PDE9A: variants seen among roughly 807,000 people sequenced by gnomAD.
The protein encoded by PDE9A is phosphodiesterase 9A.
Under a neutral mutation model 87.4 loss-of-function variants are expected in PDE9A, and 60 were observed. The observed-to-expected ratio is 0.69, with a 90% CI of 0.56 to 0.85. The LOEUF is 0.85. PDE9A is among the 40% of genes least tolerant of loss of function. The pLI is 0.00. For missense variants in PDE9A, 665 were observed against 779.0 expected, an observed-to-expected ratio of 0.85 and a Z score of 1.74; for synonymous variants, 272 against 279.4, an observed-to-expected ratio of 0.97 and a Z score of 0.27.
intron 8 of PDE9A, among the ~76,000 whole-genome samples, chr21:42,747,079 C>T (rs748609580): frequency 1.1e-4 from 17 of 152,322 alleles, no homozygotes; most frequent in Middle Eastern, 3.4e-3. Flanking sequence ...CATCCCCAGC[C>T]GCGTCATGTG....
intron 7 of PDE9A, chr21:42,741,713 C>T: frequency 7.8e-6 from 1 of 128,010 alleles, no homozygotes; most frequent in South Asian, 2.3e-4. Flanking sequence ...CCTCGAAACC[C>T]ACCCGGGAGG....
chr21:42,714,433 C>T (rs956454301), intron 4 of PDE9A, among the ~76,000 whole-genome samples: 2 of 152,172 alleles, frequency 1.3e-5, no homozygotes, highest in African/African-American at 2.4e-5. Flanking sequence ...TTGGGGTTAG[C>T]TCTCCCAGTC....
At chr21:42,774,744 T>A (rs2057351080) in intron 19 of PDE9A, among the ~76,000 whole-genome samples, 1 of 151,464 alleles carries the variant, frequency 6.6e-6, no homozygotes, top group African/African-American at 2.4e-5. Context: ...TAGCCAGCTG[T>A]AGTGGCGTGC....
chr21:42,753,739 C>T (rs532700985), intron 9 of PDE9A, among the ~76,000 whole-genome samples: 1 of 152,106 alleles, frequency 6.6e-6, no homozygotes, highest in African/African-American at 2.4e-5. Context: ...TGGCGGGCGC[C>T]TGCAGTCCCA....
At chr21:42,770,571 G>A (rs777636929) in intron 17 of PDE9A, 132 bp from the exon 18 acceptor site, 9 of 656,892 alleles carry the variant, frequency 1.4e-5, no homozygotes, top group African/African-American at 3.6e-5. Flanking sequence ...CAGCAGAGCC[G>A]GCACGAGGGT....
At chr21:42,749,940 C>G (rs777733872) in intron 8 of PDE9A, among the ~76,000 whole-genome samples, 2 of 152,038 alleles carry the variant, frequency 1.3e-5, no homozygotes, top group Non-Finnish European at 2.9e-5. Flanking sequence ...GAGTTCACGA[C>G]CAGCCTGGCC....
At chr21:42,755,777 C>G (rs1475934646) in intron 10 of PDE9A, among the ~76,000 whole-genome samples, 1 of 152,160 alleles carries the variant, frequency 6.6e-6, no homozygotes, top group Non-Finnish European at 1.5e-5. Context: ...TGTGGGCAAC[C>G]GCCGCACCTC....
At chr21:42,686,539 G>A (rs2059485259) in intron 2 of PDE9A, among the ~76,000 whole-genome samples, 1 of 152,182 alleles carries the variant, frequency 6.6e-6, no homozygotes, top group South Asian at 2.1e-4. Flanking sequence ...TTTCTGCCGG[G>A]CGTGGTGTCT....
chr21:42,757,084 G>C (rs1311563436), intron 10 of PDE9A: 1 of 152,274 alleles, frequency 6.6e-6, no homozygotes, highest in South Asian at 2.1e-4. Context: ...TCTGGGCAGC[G>C]AGGCCCCTGG....
Position 42,770,784 on chromosome 21 carries a change from G to C in PDE9A, c.1672G>C (p.Asp558His). 6.2e-7 allele frequency: 1 copy of C among 1,613,742 alleles called. No individual in the cohort carries two copies. Among genetic ancestry groups the C allele is most frequent in the Non-Finnish European group, 8.5e-7 (1 of 1,179,630 alleles). ...DRYEELKRID[D>H]AMKELQKKTD... is the part of the protein sequence containing the mutation. ...CTACGAGGAGCTGAAGCGGATAGAT[G>C]ACGCCATGAAAGAGGTAAAACACAC... is the stretch of plus-strand genomic sequence containing the variant. The change falls in exon 18 of 20, where the codon GAC becomes CAC. Residue 558 changes from aspartate (D) to histidine (H), a missense_variant. Physicochemically the swap from Asp to His is moderately conservative, Grantham distance 81 (BLOSUM62 -1). Transcript: ENST00000291539.
chr21:42,743,844 G>A lies in PDE9A; in HGVS notation c.637G>A (p.Ala213Thr). Residue 213 changes from alanine to threonine, a missense_variant, in exon 8 of 20, where the codon GCG becomes ACG. Physicochemically the swap from Ala to Thr is moderately conservative, Grantham distance 58. Coordinates refer to ENST00000291539, the MANE Select transcript of PDE9A (RefSeq NM_002606.3). ...CATTAAGAAGATGAGGGAGGAGCTG[G>A]CGGCCAGAAGCAGCAGGTAGGGTCT... is the stretch of plus-strand genomic sequence containing the variant. ...SDIKKMREEL[A>T]ARSSRTNCPC... The A allele has an allele frequency of 6.3e-7, 1 of 1,579,288 alleles. No individual in the cohort carries two copies.
rs532860149 is a variant in PDE9A at position 42,656,552 on chromosome 21, T to C, written c.69+2669T>C. Among the ~76,000 whole-genome samples the C allele has an allele frequency of 2.4e-4, 36 of 152,204 alleles. 1 individual carries two copies. In the South Asian group the frequency reaches 6.2e-3, roughly 26 times the overall value. Reference sequence around the variant, plus strand: ...ACCTGTGCAGGTAACCCTGCAGACATGCCCAGTGATTCAGAGGAGCCGCTG... The same window carrying C: ...ACCTGTGCAGGTAACCCTGCAGACACGCCCAGTGATTCAGAGGAGCCGCTG... On this transcript the variant is annotated intron_variant, in intron 1 of 19. Coordinates refer to ENST00000291539, the MANE Select transcript of PDE9A (RefSeq NM_002606.3).
At chr21:42,676,027 G>C in intron 1 of PDE9A, among the ~76,000 whole-genome samples, 1 of 152,100 alleles carries the variant, frequency 6.6e-6, no homozygotes, top group East Asian at 1.9e-4. Context: ...TGTGAAGGTA[G>C]AAGGCATCTC....
chr21:42,751,285 T>A (rs2146984819), intron 9 of PDE9A, 88 bp downstream of exon 9: 3 of 951,964 alleles, frequency 3.2e-6, no homozygotes, highest in Non-Finnish European at 5.2e-6. Flanking sequence ...GACCCTGCTG[T>A]GTGTACGTTC....
intron 19 of PDE9A, 138 bp from the exon 20 acceptor site, chr21:42,775,142 A>T (rs2057394587): frequency 4.3e-6 from 3 of 696,102 alleles, no homozygotes; most frequent in Non-Finnish European, 7.4e-6. Context: ...GGGTTTCACC[A>T]TGTTGGTCAG....
chr21:42,738,474 G>T (rs1013811865), intron 7 of PDE9A, among the ~76,000 whole-genome samples: 3 of 152,142 alleles, frequency 2.0e-5, no homozygotes, highest in African/African-American at 7.2e-5. Context: ...ACAGCACAGA[G>T]CCTCCTGAGC....
chr21:42,732,868 C>T (rs936535856), intron 6 of PDE9A, among the ~76,000 whole-genome samples: 4 of 152,218 alleles, frequency 2.6e-5, no homozygotes, highest in Non-Finnish European at 4.4e-5. Flanking sequence ...GAGCCGAGAT[C>T]ACGCCACTGC....
chr21:42,697,646 C>CCT (rs1388028233), intron 3 of PDE9A, among the ~76,000 whole-genome samples: 1 of 152,170 alleles, frequency 6.6e-6, no homozygotes, highest in East Asian at 1.9e-4. Context: ...CCTGGGGAGG[C>CCT]CTCTCTTCCT....
intron 7 of PDE9A, 38 bp downstream of exon 7, chr21:42,733,464 C>A (rs765843112): frequency 2.2e-5 from 26 of 1,203,924 alleles, no homozygotes; most frequent in Non-Finnish European, 2.9e-5. Context: ...CTTCTCTGTC[C>A]TTTAACCTCT....
Sources: gnomAD v4.1 joint callset for allele counts (sites outside exome capture counted in the v4.1 genomes callset) on GRCh38, gnomAD v4.1.1 for gene constraint, MANE v1.5 for transcripts, NCBI Gene and HGNC (gene_info 2026-07-23, HGNC 2026-07-21) for gene names.